The following ZNF528 variants were observed in gnomAD, a reference collection of about 807,000 sequenced individuals.
The protein encoded by ZNF528 is zinc finger protein 528.
ZNF528 carries 9 observed loss-of-function variants against 13.3 expected under a neutral mutation model. That is an observed-to-expected ratio of 0.67 (90% CI 0.41 to 1.18). The LOEUF (loss-of-function observed/expected upper bound fraction) is 1.18, where lower values mean the gene tolerates loss of function less well. Among genes scored for constraint, ZNF528 ranks in the 50% most tolerant of loss-of-function variants. The pLI, the probability that ZNF528 is intolerant of heterozygous loss-of-function variation, is 0.01. For missense variants in ZNF528, 858 were observed against 745.4 expected, an observed-to-expected ratio of 1.15 and a Z score of -1.76; for synonymous variants, 264 against 254.3, an observed-to-expected ratio of 1.04 and a Z score of -0.36.
At chr19:52,400,301 AAAAAC>A (rs1325884424) in intron 2 of ZNF528, among the ~76,000 whole-genome samples, 4 of 152,028 alleles carry the variant, frequency 2.6e-5, no homozygotes, top group African/African-American at 4.8e-5. Context: ...CCTCAGAAGA[AAAAAC>A]AAAGTATTAG....
chr19:52,405,880 G>A (rs377324364), intron 4 of ZNF528, 27 bp from the exon 5 acceptor site: 25 of 1,604,864 alleles, frequency 1.6e-5, no homozygotes, highest in Non-Finnish European at 2.1e-5. Context: ...TGCATACCTT[G>A]TTGCTGAAAT....
chr19:52,412,380 T>C (rs1383522231), intron 6 of ZNF528: 1 of 152,214 alleles, frequency 6.6e-6, no homozygotes, highest in Non-Finnish European at 1.5e-5. Context: ...CCATGTATCC[T>C]CTTGGTAAAG....
Position 52,415,582 on chromosome 19 carries a change from C to G in ZNF528, c.730C>G (p.His244Asp). 6.2e-7 allele frequency: 1 copy of G among 1,613,936 alleles called. No homozygotes were observed. Among genetic ancestry groups the G allele is most frequent in the East Asian group, 2.2e-5 (1 of 44,834 alleles). The change falls in exon 7 of 7, where the codon CAT becomes GAT. Residue 244 changes from histidine to aspartate, a missense_variant. His to Asp is a moderately conservative substitution (Grantham distance 81). Transcript: ENST00000360465. ...MHTGEKPYKC[H>D]ECGKLFSSNS... ...TACTGGAGAGAAGCCTTACAAATGT[C>G]ATGAATGTGGCAAGCTCTTCAGTAG...
At chr19:52,401,122 C>A (rs968291556) in intron 2 of ZNF528, among the ~76,000 whole-genome samples, 4 of 152,054 alleles carry the variant, frequency 2.6e-5, no homozygotes, top group Non-Finnish European at 4.4e-5. Context: ...AACATGTCTC[C>A]ATTTTCCCTC....
At position 52,400,394 on chromosome 19, in the gene ZNF528, G is replaced by A. The variant is rs148918113; in HGVS notation, c.-136-1291G>A. On this transcript the variant is annotated intron_variant, in intron 2 of 6. Coordinates refer to ENST00000360465, the MANE Select transcript of ZNF528 (RefSeq NM_032423.3). Reference sequence around the variant, plus strand: ...CAATATACCAAAATCTTGTTTAGGCGCTCTCTCACTCTTTCCTCCATTTCT... The same window carrying A: ...CAATATACCAAAATCTTGTTTAGGCACTCTCTCACTCTTTCCTCCATTTCT... Among the ~76,000 whole-genome samples, 48 of 152,050 alleles carry A rather than the reference G, an allele frequency of 3.2e-4. No individual in the cohort carries two copies. In the East Asian group the frequency reaches 5.0e-3, roughly 16 times the overall value.
chr19:52,407,208 G>A (rs541353759), intron 6 of ZNF528, among the ~76,000 whole-genome samples: 53 of 151,196 alleles, frequency 3.5e-4, no homozygotes, highest in African/African-American at 1.2e-3. Context: ...GCATGATTAC[G>A]GCTTGCTGCA....
chr19:52,416,267 A>C lies in ZNF528; in HGVS notation c.1415A>C (p.Lys472Thr). Residue 472 changes from lysine (K) to threonine (T), a missense_variant, in exon 7 of 7, where the codon AAA becomes ACA. Coordinates refer to ENST00000360465, the MANE Select transcript of ZNF528 (RefSeq NM_032423.3). Reference protein sequence around the residue: ...EKPYECKECGKVFRYKSSLTS... With the variant: ...EKPYECKECGTVFRYKSSLTS... ...CCTTATGAATGTAAAGAATGTGGCA[A>C]AGTCTTCAGGTACAAGTCTTCTCTA... The C allele has an allele frequency of 6.2e-7, 1 of 1,614,090 alleles. No homozygotes were observed. The highest frequency in any genetic ancestry group is 1.1e-5 in the South Asian group (1 of 91,082).
Position 52,415,180 on chromosome 19 carries a change from G to T in ZNF528, c.328G>T (p.Gly110Ter). 1 of 1,611,726 alleles carries T rather than the reference G, an allele frequency of 6.2e-7. No individual in the cohort carries two copies. Among genetic ancestry groups the T allele is most frequent in the Non-Finnish European group, 8.5e-7 (1 of 1,178,886 alleles). Residue 110 changes from glycine to a stop codon, truncating the protein, a stop_gained, in exon 7 of 7, where the codon GGA (glycine) becomes TGA (stop). Coordinates refer to ENST00000360465, the MANE Select transcript of ZNF528 (RefSeq NM_032423.3). LOFTEE classifies it low-confidence loss of function (END_TRUNC). Reference sequence around the variant, plus strand: ...AAACAAGCCTTGTAAAAATCAACTTGGATTCACTTTTCAGTTACATCTGAG... The same window carrying T: ...AAACAAGCCTTGTAAAAATCAACTTTGATTCACTTTTCAGTTACATCTGAG... Reference protein sequence around the residue: ...AGNKPCKNQLGFTFQLHLSDL... With the variant: ...AGNKPCKNQL
At position 52,415,631 on chromosome 19, in the gene ZNF528, A is replaced by C; in HGVS notation, c.779A>C (p.Gln260Pro). Residue 260 changes from glutamine (Q) to proline (P), a missense_variant, in exon 7 of 7, where the codon CAA becomes CCA. Coordinates refer to ENST00000360465, the MANE Select transcript of ZNF528 (RefSeq NM_032423.3). ...FSSNSNLSQH[Q>P]RIHTGEKPYK... is the part of the protein sequence containing the mutation. The stretch of plus-strand genomic sequence containing the variant: ...AGCAATTCAAACCTTTCACAACATC[A>C]AAGAATTCATACTGGAGAGAAGCCT... The C allele has an allele frequency of 6.2e-7, 1 of 1,614,138 alleles. No homozygotes were observed. The highest frequency in any genetic ancestry group is 8.5e-7 in the Non-Finnish European group (1 of 1,180,016).
intron 6 of ZNF528, among the ~76,000 whole-genome samples, chr19:52,409,672 G>T (rs2058904835): frequency 1.3e-5 from 2 of 151,054 alleles, no homozygotes; most frequent in Admixed American, 6.6e-5. Context: ...TTTATTTTAG[G>T]TTTGCTAAAA....
Position 52,406,026 on chromosome 19 carries a change from C to T in ZNF528, c.135C>T (p.Val45=). 6.2e-7 allele frequency: 1 copy of T among 1,610,136 alleles called. No individual in the cohort carries two copies. Among genetic ancestry groups the T allele is most frequent in the Non-Finnish European group, 8.5e-7 (1 of 1,177,350 alleles). Residue 45 remains valine, a synonymous_variant, in exon 5 of 7, where the codon GTC becomes GTT. Transcript: ENST00000360465. ...TGTTGGAGAATTATAGGAACCTGGTCTCCCTGGGTGAGGATAATGTCCCCT... is the reference window on the plus strand; with the variant it reads ...TGTTGGAGAATTATAGGAACCTGGTTTCCCTGGGTGAGGATAATGTCCCCT... ...DVMLENYRNL[V]SLGICLPDLS... is the part of the protein sequence containing the mutation.
rs1219578357 is a variant in ZNF528, at chr19:52,415,457, C to G, written c.605C>G (p.Thr202Ser). Residue 202 changes from threonine (T) to serine (S), a missense_variant, in exon 7 of 7, where the codon ACT (threonine) becomes AGT (serine). Transcript: ENST00000360465. ...GQVFRASASL[T>S]NQVIHNADNP... The stretch of plus-strand genomic sequence containing the variant: ...GTCTTTAGAGCATCTGCAAGCCTTA[C>G]TAACCAAGTAATCCATAACGCAGAT... 7 of 1,614,188 alleles carry G rather than the reference C, an allele frequency of 4.3e-6. No homozygotes were observed. Among genetic ancestry groups the G allele is most frequent in the Non-Finnish European group, 5.1e-6 (6 of 1,180,024 alleles).
intron 6 of ZNF528, among the ~76,000 whole-genome samples, chr19:52,407,793 A>AT (rs1345183881): frequency 3.3e-5 from 5 of 151,708 alleles, no homozygotes; most frequent in African/African-American, 7.3e-5. Flanking sequence ...ATAAAAATGC[A>AT]TTTTTTTCTT....
intron 4 of ZNF528, among the ~76,000 whole-genome samples, chr19:52,403,505 G>A (rs987200244): frequency 6.6e-6 from 1 of 151,854 alleles, no homozygotes; most frequent in African/African-American, 2.4e-5. Context: ...ACTAAAAGTA[G>A]AAAAATTAGC....
chr19:52,412,791 C>T (rs2058947796), intron 6 of ZNF528: 1 of 152,094 alleles, frequency 6.6e-6, no homozygotes, highest in Non-Finnish European at 1.5e-5. Flanking sequence ...GGTTTTACCG[C>T]AAGTACAACA....
intron 6 of ZNF528, chr19:52,408,216 T>C (rs1461125211): frequency 2.0e-5 from 3 of 151,672 alleles, no homozygotes; most frequent in African/African-American, 7.3e-5. Context: ...AGTCTCCTTC[T>C]ATCTCCCAGG....
Position 52,416,376 on chromosome 19 carries a change from G to A in ZNF528, c.1524G>A (p.Leu508=), listed in dbSNP as rs2059004626. 1 of 1,613,568 alleles carries A rather than the reference G, an allele frequency of 6.2e-7. No individual in the cohort carries two copies. The highest frequency in any genetic ancestry group is 8.5e-7 in the Non-Finnish European group (1 of 1,179,788). ...CGKVFSRSSN[L]VCHQKIHTGE... ...AGGTCTTCAGTCGCAGTTCAAACCTGGTATGCCATCAGAAAATTCATACAG... is the reference window on the plus strand; with the variant it reads ...AGGTCTTCAGTCGCAGTTCAAACCTAGTATGCCATCAGAAAATTCATACAG... Residue 508 remains leucine, a synonymous_variant, in exon 7 of 7, where the codon CTG becomes CTA. Transcript: ENST00000360465.
At chr19:52,406,459 A>T in intron 5 of ZNF528, 56 bp from the exon 6 acceptor site, 1 of 1,575,056 alleles carries the variant, frequency 6.3e-7, no homozygotes, top group Non-Finnish European at 8.6e-7. Context: ...CCCTAAATAC[A>T]GGGCTTGGAC....
At position 52,416,720 on chromosome 19, in the gene ZNF528, A is replaced by G. The variant is rs1439265575; in HGVS notation, c.1868A>G (p.His623Arg). The G allele has an allele frequency of 1.9e-6, 3 of 1,597,088 alleles. No individual in the cohort carries two copies. Among genetic ancestry groups the G allele is most frequent in the East Asian group, 2.3e-5 (1 of 44,376 alleles). The change falls in exon 7 of 7, where the codon CAT (histidine) becomes CGT (arginine). Residue 623 changes from histidine (H) to arginine (R), a missense_variant. His to Arg is a conservative substitution (Grantham distance 29). Transcript: ENST00000360465. Reference protein sequence around the residue: ...VFSHNSDLAQHQRVHS With the variant: ...VFSHNSDLAQRQRVHS ...AGTCACAATTCTGACCTTGCACAGC[A>G]TCAGAGAGTTCATTCATGAGAGTCC... is the stretch of plus-strand genomic sequence containing the variant.
Sources: gnomAD v4.1 joint callset for allele counts (sites outside exome capture counted in the v4.1 genomes callset) on GRCh38, gnomAD v4.1.1 for gene constraint, MANE v1.5 for transcripts, NCBI Gene and HGNC (gene_info 2026-07-23, HGNC 2026-07-21) for gene names.